GRM5: variants seen among roughly 807,000 people sequenced by gnomAD.
GRM5 encodes glutamate metabotropic receptor 5.
GRM5 carries 19 observed loss-of-function variants against 83.1 expected under a neutral mutation model. The ratio of observed to expected loss-of-function variants is 0.23; its 90% CI spans 0.16 to 0.34. The LOEUF (loss-of-function observed/expected upper bound fraction) is 0.34. Among genes scored for constraint, GRM5 ranks in the 10% least tolerant of loss-of-function variants. The pLI is 1.00. For missense variants in GRM5, 1,160 were observed against 1,588.3 expected, an observed-to-expected ratio of 0.73 and a Z score of 4.58; for synonymous variants, 675 against 633.6, an observed-to-expected ratio of 1.07 and a Z score of -0.98.
rs777599599 is a variant in GRM5, at chr11:88,509,284, C to A, written c.2947G>T (p.Ala983Ser). The A allele has an allele frequency of 2.7e-6, 4 of 1,480,204 alleles. No homozygotes were observed. The South Asian group carries it at 3.9e-5, about 14-fold the overall frequency. 91.7% of individuals were successfully genotyped at this position (1,480,204 alleles called of 1,614,324 possible). A position where few individuals can be genotyped will look rare whatever the true frequency, so the allele number is the denominator to read the frequency against. ...TCGGGCCCGCCTGGGCCGGCGCCTG[C>A]GCAGCCCGCACCGCCCGTGGCCCCC... ...GVGATGGAGC[A>S]GAGPGGPESP... Residue 983 changes from alanine to serine, a missense_variant, in exon 10 of 10, where the codon GCA becomes TCA. Coordinates refer to ENST00000305447, the MANE Select transcript of GRM5 (RefSeq NM_001143831.3).
chr11:88,616,920 T>G (rs150615199), intron 4 of GRM5, among the ~76,000 whole-genome samples: 71 of 152,260 alleles, frequency 4.7e-4, no homozygotes, highest in African/African-American at 1.6e-3. Flanking sequence ...GATTCTGTGT[T>G]CCTCACAGAT....
rs142004526 is a variant in GRM5 at position 88,996,124 on chromosome 11, C to T, written c.661+51088G>A. 6.5e-3 allele frequency among the ~76,000 whole-genome samples: 983 copies of T among 152,268 alleles called. 3 individuals carry two copies. The highest frequency in any genetic ancestry group is 0.011 in the Non-Finnish European group (734 of 68,006). On this transcript the variant is annotated intron_variant, in intron 2 of 9. Transcript: ENST00000305447. Reference sequence around the variant, plus strand: ...TAGGACAGTTTTAATTATCACCCAACGTATTAGTTTCACAGTTCAACTCAG... The same window carrying T: ...TAGGACAGTTTTAATTATCACCCAATGTATTAGTTTCACAGTTCAACTCAG...
chr11:88,946,048 T>G (rs1254837539), intron 2 of GRM5, among the ~76,000 whole-genome samples: 1 of 151,716 alleles, frequency 6.6e-6, no homozygotes, highest in East Asian at 1.9e-4. Context: ...CAAGCATAAA[T>G]GAATAACCCC....
At chr11:88,678,912 A>T (rs1013587346) in intron 3 of GRM5, among the ~76,000 whole-genome samples, 20 of 146,468 alleles carry the variant, frequency 1.4e-4, no homozygotes, top group East Asian at 2.0e-4. Context: ...TGACTCATTT[A>T]AAAAAAAAAA....
chr11:88,975,912 G>C (rs1231055933), intron 2 of GRM5, among the ~76,000 whole-genome samples: 1 of 152,068 alleles, frequency 6.6e-6, no homozygotes, highest in African/African-American at 2.4e-5. Context: ...TCCTCCCTTG[G>C]TTATAACAAG....
At chr11:88,902,277 C>T (rs757327881) in intron 2 of GRM5, among the ~76,000 whole-genome samples, 8 of 151,774 alleles carry the variant, frequency 5.3e-5, no homozygotes, top group Non-Finnish European at 1.0e-4. Context: ...TAAATCTTAC[C>T]TTTGCTACTT....
chr11:88,962,344 C>T (rs1434329701), intron 2 of GRM5, among the ~76,000 whole-genome samples: 1 of 152,160 alleles, frequency 6.6e-6, no homozygotes, highest in Non-Finnish European at 1.5e-5. Flanking sequence ...TTCTTCAATT[C>T]TTCCATTCAC....
chr11:88,560,103 G>C lies in GRM5; in HGVS notation c.2630+6950C>G, dbSNP rs376540163. ...AGGATCAGTGTGGAAAGTCAGGCAG[G>C]GGGTGGCCAGAAGCAAGGCTAGCTA... is the stretch of plus-strand genomic sequence containing the variant. On this transcript the variant is annotated intron_variant, in intron 8 of 9. Coordinates refer to ENST00000305447, the MANE Select transcript of GRM5 (RefSeq NM_001143831.3). 4.0e-4 allele frequency among the ~76,000 whole-genome samples: 61 copies of C among 152,176 alleles called. 2 individuals carry two copies. The South Asian group carries it at 0.013, about 32-fold the overall frequency.
At chr11:88,518,601 G>T (rs1253059162) in intron 9 of GRM5, among the ~76,000 whole-genome samples, 2 of 151,816 alleles carry the variant, frequency 1.3e-5, no homozygotes, top group Non-Finnish European at 2.9e-5. Flanking sequence ...TATTCACTGA[G>T]AATTTCCAAG....
At chr11:89,025,390 G>C (rs1941104455) in intron 2 of GRM5, among the ~76,000 whole-genome samples, 1 of 151,854 alleles carries the variant, frequency 6.6e-6, no homozygotes, top group South Asian at 2.1e-4. Flanking sequence ...GAAGACTTCA[G>C]TGAGAGTGAA....
At chr11:88,948,930 G>T (rs1590988887) in intron 2 of GRM5, among the ~76,000 whole-genome samples, 2 of 152,152 alleles carry the variant, frequency 1.3e-5, no homozygotes, top group East Asian at 3.9e-4. Context: ...TTCAAAAGAG[G>T]CAACAGATGA....
intron 2 of GRM5, among the ~76,000 whole-genome samples, chr11:88,976,999 A>C (rs1939362404): frequency 1.3e-5 from 2 of 151,990 alleles, no homozygotes; most frequent in Admixed American, 1.3e-4. Context: ...TCTCAGTTTA[A>C]TTTTCTAATA....
chr11:88,660,288 A>T (rs1387089646), intron 3 of GRM5, among the ~76,000 whole-genome samples: 1 of 152,194 alleles, frequency 6.6e-6, no homozygotes. Context: ...TGCCTCCCTA[A>T]GATTATTCTC....
At chr11:88,529,833 A>C (rs1276918493) in intron 8 of GRM5, among the ~76,000 whole-genome samples, 1 of 152,012 alleles carries the variant, frequency 6.6e-6, no homozygotes, top group Non-Finnish European at 1.5e-5. Context: ...AGGAAGAAGT[A>C]TAGAATGATA....
chr11:88,720,821 C>CGTGTGTGTGTGTGTGTGCGTGTGTGTGT (rs1941519596), intron 3 of GRM5, among the ~76,000 whole-genome samples: 1 of 137,148 alleles, frequency 7.3e-6, no homozygotes, highest in African/African-American at 2.7e-5. Context: ...TGTGTGTGTG[C>CGTGTGTGTGTGTGTGTGCGTGTGTGTGT]GTGTGTGTGT....
At chr11:88,744,724 G>A (rs1281059083) in intron 3 of GRM5, among the ~76,000 whole-genome samples, 1 of 152,098 alleles carries the variant, frequency 6.6e-6, no homozygotes, top group Admixed American at 6.6e-5. Flanking sequence ...AACCAGCACT[G>A]CTCTGGTATT....
intron 8 of GRM5, among the ~76,000 whole-genome samples, chr11:88,538,498 T>C (rs886599157): frequency 2.0e-5 from 3 of 152,188 alleles, no homozygotes; most frequent in African/African-American, 7.2e-5. Flanking sequence ...CATTTCATTA[T>C]GGCATTAATT....
chr11:89,019,913 CTTA>C (rs951921618), intron 2 of GRM5, among the ~76,000 whole-genome samples: 6 of 152,260 alleles, frequency 3.9e-5, no homozygotes, highest in African/African-American at 1.4e-4. Context: ...GGAGGCCCCT[CTTA>C]TTATGATTTT....
At chr11:88,862,655 TC>T (rs1209041882) in intron 2 of GRM5, among the ~76,000 whole-genome samples, 1 of 151,998 alleles carries the variant, frequency 6.6e-6, no homozygotes, top group African/African-American at 2.4e-5. Context: ...TTTTATTTTT[TC>T]ATTTTTTTTA....
Sources: gnomAD v4.1 joint callset for allele counts (sites outside exome capture counted in the v4.1 genomes callset) on GRCh38, gnomAD v4.1.1 for gene constraint, MANE v1.5 for transcripts, NCBI Gene and HGNC (gene_info 2026-07-23, HGNC 2026-07-21) for gene names.